CNOT2: variants seen among roughly 807,000 people sequenced by gnomAD.
CNOT2 encodes the protein CCR4-NOT transcription complex subunit 2.
In CNOT2, 7 loss-of-function variants were observed where a neutral mutation model predicts 72.1. That is an observed-to-expected ratio of 0.10 (90% CI 0.06 to 0.18). The LOEUF (loss-of-function observed/expected upper bound fraction) is 0.18, where lower values mean the gene tolerates loss of function less well. CNOT2 is among the 10% of genes least tolerant of loss of function. The pLI is 1.00. For missense variants in CNOT2, 345 were observed against 660.3 expected (o/e 0.52, Z 5.23); for synonymous variants, 196 against 225.6 (o/e 0.87, Z 1.17).
intron 4 of CNOT2, chr12:70,321,799 G>T (rs1014413699): frequency 6.6e-6 from 1 of 151,656 alleles, no homozygotes; most frequent in African/African-American, 2.4e-5. Flanking sequence ...AAACAAGAAA[G>T]GGAGTTTGTC....
intron 1 of CNOT2, among the ~76,000 whole-genome samples, chr12:70,260,098 A>C (rs1958676386): frequency 2.6e-5 from 4 of 152,142 alleles, no homozygotes; most frequent in Admixed American, 2.6e-4. Context: ...AGAATCCTCC[A>C]ACTCTGTTCT....
chr12:70,333,389 AGT>A (rs1180990410), intron 7 of CNOT2, among the ~76,000 whole-genome samples: 16 of 151,966 alleles, frequency 1.1e-4, no homozygotes, highest in Admixed American at 2.0e-4. Flanking sequence ...TGATTTTGAC[AGT>A]AAAAAATTCC....
chr12:70,257,369 TTTTC>T (rs1159120173), intron 1 of CNOT2, among the ~76,000 whole-genome samples: 3 of 145,138 alleles, frequency 2.1e-5, no homozygotes, highest in Non-Finnish European at 3.0e-5. Flanking sequence ...TTTTTTTTTT[TTTTC>T]TTTTTGAGAC....
chr12:70,323,016 G>A (rs1878534063), intron 4 of CNOT2: 1 of 151,582 alleles, frequency 6.6e-6, no homozygotes, highest in African/African-American at 2.4e-5. Flanking sequence ...GATACCATGT[G>A]CAGAATGGTG....
At chr12:70,295,427 G>A (rs1872658096) in intron 2 of CNOT2, among the ~76,000 whole-genome samples, 1 of 151,846 alleles carries the variant, frequency 6.6e-6, no homozygotes, top group Non-Finnish European at 1.5e-5. Flanking sequence ...AGTACATCCC[G>A]TTTTTTTCTC....
chr12:70,348,112 A>G (rs1565838995), intron 15 of CNOT2: 2 of 152,176 alleles, frequency 1.3e-5, no homozygotes, highest in African/African-American at 4.8e-5. Context: ...ATACACACAC[A>G]CATGCTGATT....
chr12:70,318,963 A>G (rs1877824750), intron 3 of CNOT2: 1 of 170,422 alleles, frequency 5.9e-6, no homozygotes. Flanking sequence ...TGAAGTTCAC[A>G]TCACAAATAC....
chr12:70,243,723 G>T (rs1304704147), intron 1 of CNOT2: 4 of 151,360 alleles, frequency 2.6e-5, no homozygotes, highest in Admixed American at 2.6e-4. Context: ...TGTGTATGGG[G>T]GTGGTGGTGG....
At chr12:70,311,115 G>A in intron 3 of CNOT2, 98 bp downstream of exon 3, 1 of 813,204 alleles carries the variant, frequency 1.2e-6, no homozygotes, top group Non-Finnish European at 2.0e-6. Context: ...GTCTGTGGTT[G>A]AGTGACAATC....
chr12:70,276,315 C>T (rs749933972), intron 1 of CNOT2, among the ~76,000 whole-genome samples: 7 of 151,892 alleles, frequency 4.6e-5, no homozygotes, highest in Non-Finnish European at 5.9e-5. Context: ...TTCCAACATT[C>T]TTTTGCTGAC....
chr12:70,268,040 G>A (rs1463019156), intron 1 of CNOT2, among the ~76,000 whole-genome samples: 1 of 152,172 alleles, frequency 6.6e-6, no homozygotes, highest in East Asian at 1.9e-4. Flanking sequence ...GGTCTGACAT[G>A]TACACACACA....
intron 1 of CNOT2, among the ~76,000 whole-genome samples, chr12:70,274,564 C>G (rs1199601235): frequency 6.6e-6 from 1 of 151,948 alleles, no homozygotes; most frequent in Non-Finnish European, 1.5e-5. Flanking sequence ...AAGGTTTGGG[C>G]ATTGTTTAAA....
chr12:70,337,365 C>A, intron 8 of CNOT2, 24 bp from the exon 9 acceptor site: 3 of 1,589,376 alleles, frequency 1.9e-6, no homozygotes, highest in Non-Finnish European at 2.6e-6. Flanking sequence ...AATTGCAATT[C>A]TCCGGATTAT....
intron 2 of CNOT2, among the ~76,000 whole-genome samples, chr12:70,294,694 A>G (rs776924955): frequency 7.9e-5 from 12 of 152,172 alleles, no homozygotes; most frequent in Non-Finnish European, 1.3e-4. Flanking sequence ...AGGAGGAGGC[A>G]AGTTTTAGTT....
chr12:70,258,475 G>A (rs906044605), intron 1 of CNOT2, among the ~76,000 whole-genome samples: 1 of 152,174 alleles, frequency 6.6e-6, no homozygotes, highest in Non-Finnish European at 1.5e-5. Flanking sequence ...TTTGAAAATA[G>A]TATTTTGCTT....
In CNOT2 at chr12:70,304,047, G is replaced by T. The variant is rs181246766; in HGVS notation, c.49-6848G>T. Among the ~76,000 whole-genome samples the T allele has an allele frequency of 1.6e-3, 248 of 152,228 alleles. 2 individuals are homozygous for T. The highest frequency in any genetic ancestry group is 5.6e-3 in the African/African-American group (234 of 41,522). ...TCACGTTCTCGTGCCGTGGTTTTCA[G>T]CTCCATCAGGTCCTTTAAGGACTTC... is the stretch of plus-strand genomic sequence containing the variant. On this transcript the variant is annotated intron_variant, in intron 2 of 15. Transcript: ENST00000229195.
Position 70,322,203 on chromosome 12 carries a change from T to G in CNOT2, c.238+2839T>G, listed in dbSNP as rs1336553561. On this transcript the variant is annotated intron_variant, in intron 4 of 15. Coordinates refer to ENST00000229195, the MANE Select transcript of CNOT2 (RefSeq NM_014515.7). ...TGTTCTCATCAACATTACAATGGAA[T>G]GAAGTTGAATGAAACAACACTATTC... 9.2e-5 allele frequency: 14 copies of G among 151,814 alleles called. No homozygotes were observed. In the Admixed American group the frequency reaches 9.2e-4, roughly 10 times the overall value. The allele number at this position is 151,814 out of a possible 1,614,324, so 9.4% of individuals were successfully genotyped here.
At chr12:70,342,235 G>A (rs375984867) in intron 12 of CNOT2, 23 bp from the exon 13 acceptor site, 7 of 1,613,208 alleles carry the variant, frequency 4.3e-6, no homozygotes, top group Non-Finnish European at 5.9e-6. Flanking sequence ...AGTTAATAAG[G>A]CTTTTTTCAT....
At chr12:70,335,389 TAAA>T (rs750239547) in intron 7 of CNOT2, 46 bp from the exon 8 acceptor site, 21 of 1,407,030 alleles carry the variant, frequency 1.5e-5, no homozygotes, top group Non-Finnish European at 3.0e-6. Context: ...TATAATCTCT[TAAA>T]AAATATTTGT....
Sources: gnomAD v4.1 joint callset for allele counts (sites outside exome capture counted in the v4.1 genomes callset) on GRCh38, gnomAD v4.1.1 for gene constraint, MANE v1.5 for transcripts, NCBI Gene and HGNC (gene_info 2026-07-23, HGNC 2026-07-21) for gene names.